Variants in NKD1 observed in about 807,000 individuals in gnomAD.
NKD1 encodes protein naked cuticle homolog 1.
In NKD1, 21 loss-of-function variants were observed where a neutral mutation model predicts 56.0. The observed-to-expected ratio is 0.38, with a 90% confidence interval of 0.27 to 0.54. The LOEUF (loss-of-function observed/expected upper bound fraction) is 0.54, where lower values mean the gene tolerates loss of function less well. Ranked by LOEUF, NKD1 falls within the 20% of genes least tolerant of loss-of-function variation. The pLI, the probability that NKD1 is intolerant of heterozygous loss-of-function variation, is 0.82. For synonymous variants in NKD1, 263 were observed against 265.7 expected, an observed-to-expected ratio of 0.99 and a Z score of 0.10; for missense variants, 578 against 642.7, an observed-to-expected ratio of 0.90 and a Z score of 1.09.
At chr16:50,601,748 C>T (rs1029987750) in intron 3 of NKD1, among the ~76,000 whole-genome samples, 7 of 152,302 alleles carry the variant, frequency 4.6e-5, no homozygotes, top group Middle Eastern at 6.8e-3. Flanking sequence ...ACCAGGTGAC[C>T]TGTGGCTGTG....
intron 4 of NKD1, among the ~76,000 whole-genome samples, chr16:50,615,748 C>T (rs548595764): frequency 6.6e-6 from 1 of 152,296 alleles, no homozygotes; most frequent in African/African-American, 2.4e-5. Context: ...CTCTTTTGTA[C>T]GATGCCAACA....
chr16:50,604,256 C>T (rs1157836386), intron 3 of NKD1, among the ~76,000 whole-genome samples: 1 of 152,206 alleles, frequency 6.6e-6, no homozygotes, highest in Non-Finnish European at 1.5e-5. Context: ...GTGCCTCACT[C>T]ATCTCATCTG....
At chr16:50,571,976 T>C (rs1031223842) in intron 3 of NKD1, among the ~76,000 whole-genome samples, 1 of 152,112 alleles carries the variant, frequency 6.6e-6, no homozygotes, top group Non-Finnish European at 1.5e-5. Context: ...CCTGCTCCCT[T>C]CTGGAACACA....
At chr16:50,608,429 T>C in intron 4 of NKD1, 69 bp downstream of exon 4, 3 of 1,117,368 alleles carry the variant, frequency 2.7e-6, no homozygotes, top group Non-Finnish European at 4.1e-6. Context: ...GCTGGCCGTG[T>C]GCCCTGTGTA....
At chr16:50,565,667 C>T (rs1303742904) in intron 3 of NKD1, among the ~76,000 whole-genome samples, 3 of 152,174 alleles carry the variant, frequency 2.0e-5, no homozygotes, top group South Asian at 2.1e-4. Context: ...TCAGCCTGAG[C>T]GACAGAGCGA....
At chr16:50,566,723 C>G (rs764526291) in intron 3 of NKD1, among the ~76,000 whole-genome samples, 7 of 152,212 alleles carry the variant, frequency 4.6e-5, no homozygotes, top group Non-Finnish European at 8.8e-5. Context: ...GGTAGCTGAC[C>G]ATTGACCCAC....
At chr16:50,567,013 C>A (rs939091987) in intron 3 of NKD1, among the ~76,000 whole-genome samples, 5 of 151,426 alleles carry the variant, frequency 3.3e-5, no homozygotes, top group Non-Finnish European at 7.4e-5. Flanking sequence ...TGGCCCCCCC[C>A]CTTTTTTTTT....
intron 3 of NKD1, among the ~76,000 whole-genome samples, chr16:50,578,503 C>A (rs1006549906): frequency 2.6e-5 from 4 of 152,134 alleles, no homozygotes; most frequent in Admixed American, 6.5e-5. Context: ...CTTCAGCTGG[C>A]CATGTCCAGC....
rs112780690 is a variant in NKD1, at chr16:50,597,236, G to C, written c.193-11058G>C. The stretch of plus-strand genomic sequence containing the variant: ...CCAACAGGATGTGCGGAAGCCTCTG[G>C]GGTGTCTGGCCAGAGTGAAGGAAGC... On this transcript the variant is annotated intron_variant, in intron 3 of 9. Transcript: ENST00000268459. Among the ~76,000 whole-genome samples, 781 of 152,192 alleles carry C rather than the reference G, an allele frequency of 5.1e-3. 4 individuals carry two copies. Among genetic ancestry groups the C allele is most frequent in the Non-Finnish European group, 8.0e-3 (543 of 67,988 alleles).
intron 3 of NKD1, among the ~76,000 whole-genome samples, chr16:50,601,180 G>A (rs984446752): frequency 3.9e-5 from 6 of 152,176 alleles, no homozygotes; most frequent in Admixed American, 2.0e-4. Context: ...GCAGGGGCCC[G>A]CGATACAGCA....
chr16:50,557,621 G>T (rs1000398687), intron 3 of NKD1: 3 of 152,244 alleles, frequency 2.0e-5, no homozygotes, highest in African/African-American at 7.2e-5. Context: ...CTTTGCTAAT[G>T]TGGTGTGTGA....
rs904802606 is a variant in NKD1 at position 50,635,095 on chromosome 16, G to C, written c.*1314G>C. On this transcript the variant is annotated 3_prime_UTR_variant, in exon 10 of 10. Transcript: ENST00000268459. The surrounding 1 kb of genome is among the most constrained non-coding windows in gnomAD (Gnocchi z 4.1). ...GCTTAATAAAGGCAGTATTTACAAA[G>C]TGTGGGCTAAGCCTCCCATGAGAGT... is the stretch of plus-strand genomic sequence containing the variant. The C allele has an allele frequency of 3.3e-5, 5 of 152,238 alleles. No homozygotes were observed. Among genetic ancestry groups the C allele is most frequent in the African/African-American group, 1.2e-4 (5 of 41,458 alleles). The allele number at this position is 152,238 out of a possible 1,614,324, so 9.4% of individuals were successfully genotyped here. A position where few individuals can be genotyped will look rare whatever the true frequency, so the allele number is the denominator to read the frequency against.
At chr16:50,557,229 C>T (rs189803659) in intron 3 of NKD1, 1 of 152,354 alleles carries the variant, frequency 6.6e-6, no homozygotes, top group East Asian at 1.9e-4. Context: ...CCAAAAAGTA[C>T]TGGATGTTTT....
rs1302626126 is a variant in NKD1 at position 50,636,932 on chromosome 16, C to T, written c.*3151C>T. On this transcript the variant is annotated 3_prime_UTR_variant, in exon 10 of 10. Coordinates refer to ENST00000268459, the MANE Select transcript of NKD1 (RefSeq NM_033119.5). ...CCCACCCCACCCTTTTATTTTTACA[C>T]AAGGAGCATAGTGTTCATACTTATG... The T allele has an allele frequency of 1.3e-5, 2 of 152,198 alleles. No individual in the cohort carries two copies. The highest frequency in any genetic ancestry group is 4.8e-5 in the African/African-American group (2 of 41,460). The allele number at this position is 152,198 out of a possible 1,614,324, so 9.4% of individuals were successfully genotyped here. A position where few individuals can be genotyped will look rare whatever the true frequency, so the allele number is the denominator to read the frequency against.
At chr16:50,574,326 G>A (rs1960946469) in intron 3 of NKD1, 1 of 985,312 alleles carries the variant, frequency 1.0e-6, no homozygotes. Flanking sequence ...CAGAACTGGG[G>A]GCTGAGGTGT....
chr16:50,559,860 T>G (rs1240851244), intron 3 of NKD1, among the ~76,000 whole-genome samples: 1 of 152,142 alleles, frequency 6.6e-6, no homozygotes, highest in Non-Finnish European at 1.5e-5. Flanking sequence ...AAGGACCCTG[T>G]TAGCAGGATG....
chr16:50,586,955 G>C (rs79527946), intron 3 of NKD1, among the ~76,000 whole-genome samples: 12 of 152,326 alleles, frequency 7.9e-5, no homozygotes, highest in African/African-American at 2.9e-4. Context: ...CTGAAGGCAG[G>C]AAGCTGGCTT....
At chr16:50,572,430 C>G (rs144438469) in intron 3 of NKD1, among the ~76,000 whole-genome samples, 4 of 152,194 alleles carry the variant, frequency 2.6e-5, no homozygotes, top group Non-Finnish European at 5.9e-5. Flanking sequence ...TGGACAAGTT[C>G]TTTCAATCTC....
At chr16:50,591,325 G>T (rs1390985683) in intron 3 of NKD1, among the ~76,000 whole-genome samples, 2 of 152,184 alleles carry the variant, frequency 1.3e-5, no homozygotes, top group Non-Finnish European at 2.9e-5. Context: ...GGGAGGGTTG[G>T]GTGCTGGGTT....
Sources: allele counts gnomAD v4.1 joint callset (sites outside exome capture counted in the v4.1 genomes callset), GRCh38; gene constraint gnomAD v4.1.1; non-coding constraint Gnocchi (gnomAD v3.1); transcripts MANE v1.5; gene names NCBI Gene and HGNC (gene_info 2026-07-23, HGNC 2026-07-21).